SLC22A5: variants seen among roughly 807,000 people sequenced by gnomAD.
SLC22A5 encodes solute carrier family 22 member 5, also known as organic cation/carnitine transporter 2.
In SLC22A5, 44 loss-of-function variants were observed where a neutral mutation model predicts 56.7. That is an observed-to-expected ratio of 0.78 (90% CI 0.61 to 1.00). The LOEUF is 1.00. SLC22A5 is among the 50% of genes least tolerant of loss of function. The pLI, the probability that SLC22A5 is intolerant of heterozygous loss-of-function variation, is 0.00. For synonymous variants in SLC22A5, 278 were observed against 292.1 expected, an observed-to-expected ratio of 0.95 and a Z score of 0.49; for missense variants, 675 against 723.0, an observed-to-expected ratio of 0.93 and a Z score of 0.76.
intron 7 of SLC22A5, among the ~76,000 whole-genome samples, chr5:132,392,164 C>T (rs1398572060): frequency 1.3e-5 from 2 of 152,138 alleles, no homozygotes; most frequent in Non-Finnish European, 2.9e-5. Flanking sequence ...GACTTATAGA[C>T]TGGGAAGCAG....
At position 132,395,279 on chromosome 5, in the gene SLC22A5, T is replaced by TGG. The variant is rs1752838154; in HGVS notation, c.*1007_*1008insGG. 1 of 152,022 alleles carries TGG rather than the reference T, an allele frequency of 6.6e-6. No homozygotes were observed. The highest frequency in any genetic ancestry group is 2.4e-5 in the African/African-American group (1 of 41,244). The allele number at this position is 152,022 out of a possible 1,614,324, so 9.4% of individuals were successfully genotyped here. On this transcript the variant is annotated 3_prime_UTR_variant, in exon 10 of 10. Coordinates refer to ENST00000245407, the MANE Select transcript of SLC22A5 (RefSeq NM_003060.4). ...CTGCAGCTGCCACTGGTGCAAGGCC[T>TGG]TACCAGCCCTAGCCTCTAGCACTTC...
chr5:132,374,614 G>A (rs1752066251), intron 1 of SLC22A5, among the ~76,000 whole-genome samples: 1 of 152,162 alleles, frequency 6.6e-6, no homozygotes, highest in South Asian at 2.1e-4. Context: ...GAAGCCACTT[G>A]CGGGGTCCCG....
Position 132,385,373 on chromosome 5 carries a change from T to G in SLC22A5, c.698T>G (p.Leu233Ter), listed in dbSNP as rs1368930204. 6.2e-7 allele frequency: 1 copy of G among 1,614,084 alleles called. No individual in the cohort carries two copies. Among genetic ancestry groups the G allele is most frequent in the Non-Finnish European group, 8.5e-7 (1 of 1,179,912 alleles). ...TCAGTTCGTATAATATTCTCTACGT[T>G]AGGAGTGTGCATATTTTATGCATTT... is the stretch of plus-strand genomic sequence containing the variant. The part of the protein sequence containing the change: ...GKSVRIIFST[L>*]GVCIFYAFGY... Residue 233 changes from leucine (L) to a stop codon, truncating the protein, a stop_gained, in exon 4 of 10, where the codon TTA (leucine) becomes TGA (stop). Transcript: ENST00000245407. LOFTEE classifies it high-confidence loss of function.
At chr5:132,391,478 CAG>C (rs1156986942) in intron 7 of SLC22A5, among the ~76,000 whole-genome samples, 47 of 152,150 alleles carry the variant, frequency 3.1e-4, no homozygotes, top group Non-Finnish European at 1.2e-4. Flanking sequence ...TGTCCCTGAA[CAG>C]GGGGCAGTTC....
chr5:132,391,478 CA>C (rs1289640307), intron 7 of SLC22A5, among the ~76,000 whole-genome samples: 1 of 152,268 alleles, frequency 6.6e-6, no homozygotes, highest in Admixed American at 6.5e-5. Flanking sequence ...TGTCCCTGAA[CA>C]GGGGGCAGTT....
intron 1 of SLC22A5, 195 bp from the exon 2 acceptor site, chr5:132,378,183 A>G (rs746719594): frequency 6.9e-6 from 11 of 1,597,886 alleles, no homozygotes; most frequent in South Asian, 6.7e-5. Context: ...GGGGCCTACA[A>G]TGCTATGAAA....
At chr5:132,379,154 A>G (rs1752256835) in intron 2 of SLC22A5, 1 of 156,578 alleles carries the variant, frequency 6.4e-6, no homozygotes, top group African/African-American at 2.4e-5. Context: ...TTATATGCAC[A>G]ATGTTAGAGA....
intron 6 of SLC22A5, 51 bp downstream of exon 6, chr5:132,389,072 G>C: frequency 8.6e-7 from 1 of 1,157,102 alleles, no homozygotes. Context: ...TCTTGAAGTG[G>C]CCATTGGGCC....
chr5:132,389,713 C>G (rs1752640380), intron 6 of SLC22A5: 1 of 155,912 alleles, frequency 6.4e-6, no homozygotes, highest in Non-Finnish European at 1.4e-5. Flanking sequence ...TATTACTAGT[C>G]TCATCCAGCT....
intron 2 of SLC22A5, 67 bp from the exon 3 acceptor site, chr5:132,384,080 A>G: frequency 6.6e-7 from 1 of 1,523,620 alleles, no homozygotes; most frequent in Non-Finnish European, 9.1e-7. Context: ...AGAAAGCCCC[A>G]CTTGGTGGAG....
At chr5:132,385,228 C>T (rs746348475) in intron 3 of SLC22A5, 100 bp from the exon 4 acceptor site, 29 of 1,078,332 alleles carry the variant, frequency 2.7e-5, no homozygotes, top group Non-Finnish European at 3.9e-5. Context: ...AGAGAGTTCT[C>T]GCTGTTTTCT....
intron 1 of SLC22A5, among the ~76,000 whole-genome samples, chr5:132,371,522 G>A (rs1751929003): frequency 6.6e-6 from 1 of 152,110 alleles, no homozygotes; most frequent in African/African-American, 2.4e-5. Context: ...TGTTAATGAT[G>A]TATGTGTTTT....
chr5:132,372,325 A>G (rs1751964011), intron 1 of SLC22A5, among the ~76,000 whole-genome samples: 1 of 152,256 alleles, frequency 6.6e-6, no homozygotes, highest in African/African-American at 2.4e-5. Context: ...AGAGGGGAAC[A>G]TGACACAGGA....
At chr5:132,389,180 A>T (rs1230365055) in intron 6 of SLC22A5, 159 bp downstream of exon 6, 1 of 656,286 alleles carries the variant, frequency 1.5e-6, no homozygotes, top group East Asian at 2.8e-5. Context: ...TGGGCATGTC[A>T]CAATTCTTAA....
At position 132,394,213 on chromosome 5, in the gene SLC22A5, A is replaced by G. The variant is rs141181092; in HGVS notation, c.1615A>G (p.Thr539Ala). The change falls in exon 10 of 10, where the codon ACA becomes GCA. Residue 539 changes from threonine to alanine, a missense_variant. Thr to Ala is a moderately conservative substitution (Grantham distance 58). Coordinates refer to ENST00000245407, the MANE Select transcript of SLC22A5 (RefSeq NM_003060.4). ...GAAACACAGAAAAACTCCAAGTCAC[A>G]CAAGGATGTTAAAAGATGGTCAAGA... is the stretch of plus-strand genomic sequence containing the variant. The part of the protein sequence containing the change: ...GMKHRKTPSH[T>A]RMLKDGQERP... 7 of 1,613,622 alleles carry G rather than the reference A, an allele frequency of 4.3e-6. No homozygotes were observed. In the African/African-American group the frequency reaches 6.7e-5, roughly 15 times the overall value.
rs1189881374 is a variant in SLC22A5, at chr5:132,370,303, G to A, written c.331G>A (p.Glu111Lys). Residue 111 changes from glutamate to lysine, a missense_variant, in exon 1 of 10, where the codon GAG (glutamate) becomes AAG (lysine). Physicochemically the swap from Glu to Lys is moderately conservative, Grantham distance 56. Transcript: ENST00000245407. ...CGTGGACCTGGGGCAGCTGGAGCAG[G>A]AGAGCTGTCTGGATGGCTGGGAGTT... ...RDVDLGQLEQESCLDGWEFSQ... is the reference protein window; with the variant it reads ...RDVDLGQLEQKSCLDGWEFSQ... 4 of 1,610,920 alleles carry A rather than the reference G, an allele frequency of 2.5e-6. No individual in the cohort carries two copies. Among genetic ancestry groups the A allele is most frequent in the African/African-American group, 1.3e-5 (1 of 75,040 alleles).
rs386134223 is a variant in SLC22A5 at position 132,392,577 on chromosome 5, G to A, written c.1412G>A (p.Arg471His). The A allele has an allele frequency of 1.9e-6, 3 of 1,614,174 alleles. No individual in the cohort carries two copies. Among genetic ancestry groups the A allele is most frequent in the Non-Finnish European group, 1.7e-6 (2 of 1,180,032 alleles). ...MGVGVSSTAS[R>H]LGSILSPYFV... is the part of the protein sequence containing the mutation. ...GTGGGAGTCAGCTCCACAGCATCCC[G>A]CCTGGGCAGCATCCTGTCTCCCTAC... is the stretch of plus-strand genomic sequence containing the variant. The change falls in exon 8 of 10, where the codon CGC becomes CAC. Residue 471 changes from arginine to histidine, a missense_variant. Arg to His is a conservative substitution (Grantham distance 29, BLOSUM62 0). Coordinates refer to ENST00000245407, the MANE Select transcript of SLC22A5 (RefSeq NM_003060.4).
Position 132,369,875 on chromosome 5 carries a change from C to T in SLC22A5, c.-98C>T, listed in dbSNP as rs1751814456. 1.3e-6 allele frequency: 2 copies of T among 1,505,334 alleles called. No homozygotes were observed. Among genetic ancestry groups the T allele is most frequent in the Non-Finnish European group, 1.8e-6 (2 of 1,124,938 alleles). The allele number at this position is 1,505,334 out of a possible 1,614,324, so 93.2% of individuals were successfully genotyped here. A position where few individuals can be genotyped will look rare whatever the true frequency, so the allele number is the denominator to read the frequency against. On this transcript the variant is annotated 5_prime_UTR_variant, in exon 1 of 10. Coordinates refer to ENST00000245407, the MANE Select transcript of SLC22A5 (RefSeq NM_003060.4). The stretch of plus-strand genomic sequence containing the variant: ...CGGACGGTCTTGGGTCGCCTGCTGC[C>T]TGGCTTGCCTGGTCGGCGGCGGGTG...
intron 6 of SLC22A5, 195 bp from the exon 7 acceptor site, chr5:132,390,495 C>T (rs544501450): frequency 3.0e-6 from 2 of 671,262 alleles, no homozygotes; most frequent in African/African-American, 3.5e-5. Context: ...GCAGGGTTTA[C>T]ACTGTACCAC....
Sources: gnomAD v4.1 joint callset for allele counts (sites outside exome capture counted in the v4.1 genomes callset) on GRCh38, gnomAD v4.1.1 for gene constraint, MANE v1.5 for transcripts, NCBI Gene and HGNC (gene_info 2026-07-23, HGNC 2026-07-21) for gene names.